Variants in IQGAP2 observed in about 807,000 individuals in gnomAD.
The protein encoded by IQGAP2 is ras GTPase-activating-like protein IQGAP2.
Under a neutral mutation model 201.3 loss-of-function variants are expected in IQGAP2, and 173 were observed. The ratio of observed to expected loss-of-function variants is 0.86; its 90% CI spans 0.76 to 0.98. The LOEUF is 0.98. IQGAP2 is among the 50% of genes least tolerant of loss of function. The pLI, the probability that IQGAP2 is intolerant of heterozygous loss-of-function variation, is 0.00. For synonymous variants in IQGAP2, 675 were observed against 673.9 expected, an observed-to-expected ratio of 1.00 and a Z score of -0.03; for missense variants, 1,687 against 1,864.8, an observed-to-expected ratio of 0.90 and a Z score of 1.76.
At chr5:76,610,206 C>T (rs28571797) in intron 12 of IQGAP2, among the ~76,000 whole-genome samples, 33,780 of 130,424 alleles carry the variant, frequency 0.26, 4,687 homozygotes, top group South Asian at 0.48. Flanking sequence ...AATCTTGGCT[C>T]ACTGCAACCT....
intron 13 of IQGAP2, among the ~76,000 whole-genome samples, chr5:76,611,406 ACT>A (rs1748400621): frequency 6.6e-6 from 1 of 152,092 alleles, no homozygotes; most frequent in Non-Finnish European, 1.5e-5. Flanking sequence ...TTGACTAAAA[ACT>A]CAGTTGTAGG....
At chr5:76,652,132 T>A (rs921009215) in intron 17 of IQGAP2, among the ~76,000 whole-genome samples, 11 of 152,220 alleles carry the variant, frequency 7.2e-5, no homozygotes, top group African/African-American at 2.7e-4. Flanking sequence ...GTGTCCAGTT[T>A]TTGTAAAGAG....
At chr5:76,615,483 G>A (rs1298425921) in intron 13 of IQGAP2, 1 of 152,144 alleles carries the variant, frequency 6.6e-6, no homozygotes, top group East Asian at 1.9e-4. Flanking sequence ...TTAAAAATAT[G>A]CATTTAAAAT....
At chr5:76,500,823 C>A (rs1269250714) in intron 2 of IQGAP2, among the ~76,000 whole-genome samples, 1 of 152,100 alleles carries the variant, frequency 6.6e-6, no homozygotes, top group African/African-American at 2.4e-5. Context: ...TTTCCGGTAC[C>A]GTGCCTTATA....
rs180950609 is a variant in IQGAP2 at position 76,693,531 on chromosome 5, A to G, written c.3993+89A>G. 31 of 850,624 alleles carry G rather than the reference A, an allele frequency of 3.6e-5. No individual in the cohort carries two copies. In the East Asian group the frequency reaches 7.3e-4, roughly 20 times the overall value. The allele number at this position is 850,624 out of a possible 1,614,324, so 52.7% of individuals were successfully genotyped here. ...GCCATATGTTTATTATCTCAGAGAA[A>G]CTGTATCTGACATGGTCCGGAAGTA... On this transcript the variant is annotated intron_variant, in intron 31 of 35. Coordinates refer to ENST00000274364, the MANE Select transcript of IQGAP2 (RefSeq NM_006633.5).
At chr5:76,570,326 C>G (rs537883306) in intron 3 of IQGAP2, among the ~76,000 whole-genome samples, 1 of 152,282 alleles carries the variant, frequency 6.6e-6, no homozygotes, top group African/African-American at 2.4e-5. Flanking sequence ...AGACATTAAA[C>G]AGTCTTGGAG....
intron 2 of IQGAP2, among the ~76,000 whole-genome samples, chr5:76,493,678 A>T (rs1353230830): frequency 2.0e-5 from 3 of 152,138 alleles, no homozygotes; most frequent in Non-Finnish European, 4.4e-5. Flanking sequence ...AGGCTCTTTA[A>T]GGCAGGAATC....
In IQGAP2 at chr5:76,582,265, A is replaced by G. The variant is rs1383662076; in HGVS notation, c.458+6496A>G. 2.6e-5 allele frequency among the ~76,000 whole-genome samples: 4 copies of G among 152,392 alleles called. No homozygotes were observed. The East Asian group carries it at 7.7e-4, about 29-fold the overall frequency. On this transcript the variant is annotated intron_variant, in intron 5 of 35. Transcript: ENST00000274364. Reference sequence around the variant, plus strand: ...CTAAGAAAATTAAAAGAACACTGGTATCAGACTTGAACTTCAGCACAGGCC... The same window carrying G: ...CTAAGAAAATTAAAAGAACACTGGTGTCAGACTTGAACTTCAGCACAGGCC...
chr5:76,562,561 G>C lies in IQGAP2; in HGVS notation c.303+9G>C, dbSNP rs1744456443. The C allele has an allele frequency of 6.2e-7, 1 of 1,606,636 alleles. No individual in the cohort carries two copies. Among genetic ancestry groups the C allele is most frequent in the Middle Eastern group, 1.7e-4 (1 of 6,044 alleles). On this transcript the variant is annotated intron_variant, in intron 3 of 35. Transcript: ENST00000274364. ...AACAAACACGTTATAAGGTAACCAA[G>C]ATCTAATTGGTTTTGGCTTCCAGCT...
At position 76,558,244 on chromosome 5, in the gene IQGAP2, A is replaced by G. The variant is rs145864069; in HGVS notation, c.147-4152A>G. Among the ~76,000 whole-genome samples the G allele has an allele frequency of 7.5e-3, 1,146 of 152,238 alleles. 3 individuals are homozygous for G. Among genetic ancestry groups the G allele is most frequent in the African/African-American group, 0.026 (1,086 of 41,538 alleles). On this transcript the variant is annotated intron_variant, in intron 2 of 35. Transcript: ENST00000274364. ...TTTTGCCTCCTGCCCCTTGCTCCCAATTGTCAACTTATCTCCCCCTACTCT... is the reference window on the plus strand; with the variant it reads ...TTTTGCCTCCTGCCCCTTGCTCCCAGTTGTCAACTTATCTCCCCCTACTCT...
chr5:76,617,934 A>G, intron 13 of IQGAP2: 1 of 1,614,126 alleles, frequency 6.2e-7, no homozygotes, highest in Non-Finnish European at 8.5e-7. Context: ...ATAGAGTTGG[A>G]AGGGAGATGA....
At position 76,487,102 on chromosome 5, in the gene IQGAP2, C is replaced by CTT. The variant is rs11322216; in HGVS notation, c.146+25446_146+25447dup. Among the ~76,000 whole-genome samples, 358 of 141,370 alleles carry CTT rather than the reference C, an allele frequency of 2.5e-3. 3 individuals carry two copies. Among genetic ancestry groups the CTT allele is most frequent in the African/African-American group, 5.9e-3 (226 of 38,600 alleles). 92.7% of individuals were successfully genotyped at this position (141,370 alleles called of 152,430 possible). On this transcript the variant is annotated intron_variant, in intron 2 of 35. Transcript: ENST00000274364. Reference sequence around the variant, plus strand: ...AATGTTTATTGGTATTTCTTTCTTTCTTTTTTTTTTTTTTGAGATGGAGGC... The same window carrying CTT: ...AATGTTTATTGGTATTTCTTTCTTTCTTTTTTTTTTTTTTTTGAGATGGAGGC...
intron 2 of IQGAP2, among the ~76,000 whole-genome samples, chr5:76,475,028 CAG>C (rs1755330910): frequency 6.6e-6 from 1 of 152,182 alleles, no homozygotes; most frequent in Non-Finnish European, 1.5e-5. Context: ...TGCCTTTTAA[CAG>C]AGCACTGGAG....
intron 11 of IQGAP2, among the ~76,000 whole-genome samples, chr5:76,603,389 A>T (rs3797385): frequency 0.47 from 71,425 of 152,002 alleles, 17,927 homozygotes; most frequent in African/African-American, 0.63. Flanking sequence ...AATATCTGAG[A>T]TTGACCCTCC....
intron 2 of IQGAP2, among the ~76,000 whole-genome samples, chr5:76,511,927 G>A (rs901596415): frequency 3.3e-5 from 5 of 152,058 alleles, no homozygotes; most frequent in Non-Finnish European, 5.9e-5. Context: ...TGATCCGCCC[G>A]CCTCGGCCTC....
At chr5:76,409,270 A>G (rs1273797116) in intron 1 of IQGAP2, among the ~76,000 whole-genome samples, 6 of 118,550 alleles carry the variant, frequency 5.1e-5, no homozygotes, top group South Asian at 2.8e-4. Flanking sequence ...TTTTTGAGAC[A>G]GAGTCTTGCT....
intron 3 of IQGAP2, among the ~76,000 whole-genome samples, chr5:76,567,518 G>T (rs1744837519): frequency 6.6e-6 from 1 of 152,204 alleles, no homozygotes; most frequent in Admixed American, 6.5e-5. Flanking sequence ...ACTTGGCATG[G>T]TGCCTGACAG....
chr5:76,501,337 G>A (rs1485931277), intron 2 of IQGAP2, among the ~76,000 whole-genome samples: 1 of 152,060 alleles, frequency 6.6e-6, no homozygotes, highest in South Asian at 2.1e-4. Context: ...GCTGAGGTGG[G>A]GGGGCATCAC....
intron 2 of IQGAP2, among the ~76,000 whole-genome samples, chr5:76,514,097 T>G (rs564232600): frequency 6.9e-6 from 1 of 145,372 alleles, no homozygotes; most frequent in South Asian, 2.3e-4. Flanking sequence ...GATCTCAGCT[T>G]ACTGCAACCT....
Sources: allele counts gnomAD v4.1 joint callset (sites outside exome capture counted in the v4.1 genomes callset), GRCh38; gene constraint gnomAD v4.1.1; transcripts MANE v1.5; gene names NCBI Gene and HGNC (gene_info 2026-07-23, HGNC 2026-07-21).